SCML4: variants seen among roughly 807,000 people sequenced by gnomAD.
SCML4 encodes the protein sex comb on midleg-like protein 4.
A neutral mutation model predicts 41.1 loss-of-function variants in SCML4; 34 were observed. That is an observed-to-expected ratio of 0.83 (90% CI 0.63 to 1.10). SCML4 has a LOEUF of 1.10. SCML4 is among the 50% of genes least tolerant of loss of function. The probability of loss-of-function intolerance (pLI) is 0.00; values close to 1 mark genes in which losing one functional copy is unlikely to be tolerated. For missense variants in SCML4, 522 were observed against 534.1 expected, an observed-to-expected ratio of 0.98 and a Z score of 0.22; for synonymous variants, 214 against 220.9, an observed-to-expected ratio of 0.97 and a Z score of 0.28.
At chr6:107,817,826 A>G (rs1784663935) in intron 1 of SCML4, among the ~76,000 whole-genome samples, 2 of 152,050 alleles carry the variant, frequency 1.3e-5, no homozygotes, top group Admixed American at 1.3e-4. Context: ...ATCACCTCCC[A>G]AATCGAGTAC....
intron 1 of SCML4, among the ~76,000 whole-genome samples, chr6:107,793,750 C>T (rs1402474250): frequency 1.3e-5 from 2 of 152,140 alleles, no homozygotes; most frequent in Non-Finnish European, 2.9e-5. Flanking sequence ...AGTTTAAGAC[C>T]AGCCTGGGCA....
the SCML4 span, among the ~76,000 whole-genome samples, chr6:107,839,341 A>AAG: frequency 0.11 from 1,361 of 12,906 alleles, 43 homozygotes; most frequent in East Asian, 0.32. Flanking sequence ...GAGAGAGAGA[A>AAG]AAAGAAAGAA....
At chr6:107,814,289 G>T (rs1020871352) in intron 1 of SCML4, among the ~76,000 whole-genome samples, 4 of 152,188 alleles carry the variant, frequency 2.6e-5, no homozygotes, top group Admixed American at 2.6e-4. Context: ...TAATTCAAGT[G>T]GCAGGTCAGA....
rs6916212 is a variant in SCML4, at chr6:107,804,002, C to G, written c.-60+20124G>C. Among the ~76,000 whole-genome samples the G allele has an allele frequency of 4.9e-3, 745 of 150,810 alleles. 10 individuals carry two copies. Among genetic ancestry groups the G allele is most frequent in the African/African-American group, 0.017 (708 of 40,908 alleles). ...CCCTCCCTCCACTATTGTCCTGTGA[C>G]CCTGCCAAATCCCCCTCTGCGAGAA... On this transcript the variant is annotated intron_variant, in intron 1 of 7. Coordinates refer to ENST00000369020, the MANE Select transcript of SCML4 (RefSeq NM_198081.5).
chr6:107,820,173 G>A (rs1413354565), intron 1 of SCML4, among the ~76,000 whole-genome samples: 1 of 152,196 alleles, frequency 6.6e-6, no homozygotes, highest in Admixed American at 6.5e-5. Flanking sequence ...CCGGTATTCA[G>A]CCCTGGCCAC....
At chr6:107,707,812 C>T (rs1051958002) in intron 7 of SCML4, 54 bp downstream of exon 7, 12 of 1,550,114 alleles carry the variant, frequency 7.7e-6, no homozygotes, top group Non-Finnish European at 1.0e-5. Flanking sequence ...CCTCACTCTC[C>T]TTCTGTGCCT....
chr6:107,728,053 TA>T (rs1776167753), intron 5 of SCML4, among the ~76,000 whole-genome samples: 1 of 152,306 alleles, frequency 6.6e-6, no homozygotes, highest in Admixed American at 6.5e-5. Flanking sequence ...AAATTGATAT[TA>T]TAAAGAGCTT....
intron 5 of SCML4, among the ~76,000 whole-genome samples, chr6:107,739,369 TTC>T (rs1179976950): frequency 1.3e-5 from 2 of 152,136 alleles, no homozygotes; most frequent in Non-Finnish European, 2.9e-5. Context: ...TTCCCAAATC[TTC>T]TCTTTTTTTC....
In SCML4 at chr6:107,746,709, T is replaced by C; in HGVS notation, c.467A>G (p.Tyr156Cys). The C allele has an allele frequency of 6.2e-7, 1 of 1,614,084 alleles. No homozygotes were observed. Among genetic ancestry groups the C allele is most frequent in the Non-Finnish European group, 8.5e-7 (1 of 1,179,998 alleles). Reference protein sequence around the residue: ...KLVFSLVKQGYGGEMVSVSAS... With the variant: ...KLVFSLVKQGCGGEMVSVSAS... ...CTTACCTGACACCATCTCACCACCATAGCCCTGCTTGACCAGGGAGAAGAC... is the reference window on the plus strand; with the variant it reads ...CTTACCTGACACCATCTCACCACCACAGCCCTGCTTGACCAGGGAGAAGAC... Residue 156 changes from tyrosine to cysteine, a missense_variant, in exon 4 of 8, where the codon TAT becomes TGT. By Grantham distance (194) the Tyr-to-Cys change is radical. Transcript: ENST00000369020.
chr6:107,781,466 G>T lies in SCML4; in HGVS notation c.-59-9080C>A, dbSNP rs561084040. On this transcript the variant is annotated intron_variant, in intron 1 of 7. Coordinates refer to ENST00000369020, the MANE Select transcript of SCML4 (RefSeq NM_198081.5). ...GCTCAAGACCAGCCTGAGCAATAGG[G>T]CATAACACCATCTCTACCGAAAATA... 3.4e-4 allele frequency among the ~76,000 whole-genome samples: 52 copies of T among 152,186 alleles called. No homozygotes were observed. The South Asian group carries it at 0.011, about 32-fold the overall frequency.
At chr6:107,771,694 C>T (rs1780533501) in intron 2 of SCML4, among the ~76,000 whole-genome samples, 1 of 152,180 alleles carries the variant, frequency 6.6e-6, no homozygotes, top group Admixed American at 6.5e-5. Flanking sequence ...TGTTGAGGTT[C>T]TGTTTGGGAA....
chr6:107,740,548 C>T (rs541025089), intron 5 of SCML4, among the ~76,000 whole-genome samples: 4 of 152,238 alleles, frequency 2.6e-5, no homozygotes, highest in East Asian at 1.9e-4. Context: ...AGAGGATGTG[C>T]GAGTGTTTCT....
intron 1 of SCML4, among the ~76,000 whole-genome samples, chr6:107,790,861 G>A (rs750891763): frequency 4.6e-5 from 7 of 152,142 alleles, no homozygotes; most frequent in Non-Finnish European, 1.0e-4. Context: ...CGGGAGGTCA[G>A]GAGTTCGAGA....
intron 1 of SCML4, among the ~76,000 whole-genome samples, chr6:107,798,983 C>T (rs1483309442): frequency 6.6e-6 from 1 of 151,930 alleles, no homozygotes; most frequent in Non-Finnish European, 1.5e-5. Context: ...GTTTTATGGC[C>T]CAGCTTATTG....
At chr6:107,825,558 G>T (rs556390957), upstream of SCML4, among the ~76,000 whole-genome samples, 15 of 152,310 alleles carry the variant, frequency 9.8e-5, no homozygotes, top group Admixed American at 5.2e-4. Flanking sequence ...TTGTTGTTTT[G>T]TATGGGAAAA....
chr6:107,815,213 G>A (rs1784477042), intron 1 of SCML4, among the ~76,000 whole-genome samples: 1 of 152,208 alleles, frequency 6.6e-6, no homozygotes, highest in South Asian at 2.1e-4. Flanking sequence ...TTTTGGAAAT[G>A]TGTCAGTGAT....
chr6:107,822,600 G>A (rs1785031902), intron 1 of SCML4, among the ~76,000 whole-genome samples: 1 of 148,968 alleles, frequency 6.7e-6, no homozygotes, highest in Admixed American at 6.7e-5. Flanking sequence ...GATTTTTGTG[G>A]GCTTTGCACT....
At chr6:107,742,523 AAG>A (rs1777678180) in intron 5 of SCML4, among the ~76,000 whole-genome samples, 1 of 152,250 alleles carries the variant, frequency 6.6e-6, no homozygotes, top group Non-Finnish European at 1.5e-5. Flanking sequence ...TCCAAGGACA[AAG>A]AGAGAATCCT....
intron 5 of SCML4, among the ~76,000 whole-genome samples, chr6:107,725,664 TAGAA>T (rs1222634938): frequency 7.2e-5 from 11 of 152,164 alleles, no homozygotes; most frequent in Non-Finnish European, 1.3e-4. Flanking sequence ...ATAAAACTCT[TAGAA>T]AGAAACATAT....
Sources: gnomAD v4.1 joint callset for allele counts (sites outside exome capture counted in the v4.1 genomes callset) on GRCh38, gnomAD v4.1.1 for gene constraint, MANE v1.5 for transcripts, NCBI Gene and HGNC (gene_info 2026-07-23, HGNC 2026-07-21) for gene names.